PCSK2: variants seen among roughly 807,000 people sequenced by gnomAD.
The protein encoded by PCSK2 is proprotein convertase subtilisin/kexin type 2.
Under a neutral mutation model 69.7 loss-of-function variants are expected in PCSK2, and 14 were observed. The observed-to-expected ratio is 0.20, with a 90% CI of 0.13 to 0.31. PCSK2 has a LOEUF of 0.31. PCSK2 is among the 10% of genes least tolerant of loss of function. PCSK2 has a pLI of 1.00. For missense variants in PCSK2, 544 were observed against 842.5 expected (o/e 0.65, Z 4.39); for synonymous variants, 307 against 320.7 (o/e 0.96, Z 0.46).
chr20:17,460,151 C>T lies in PCSK2; in HGVS notation c.1202+3703C>T, dbSNP rs147453977. Among the ~76,000 whole-genome samples the T allele has an allele frequency of 1.6e-4, 24 of 151,962 alleles. No individual in the cohort carries two copies. In the East Asian group the frequency reaches 4.4e-3, roughly 28 times the overall value. On this transcript the variant is annotated intron_variant, in intron 10 of 11. Coordinates refer to ENST00000262545, the MANE Select transcript of PCSK2 (RefSeq NM_002594.5). ...TTCATGTTCTCTAGACGTGCTGGAACTCCAGCCACCATGTTTACATTTCAG... is the reference window on the plus strand; with the variant it reads ...TTCATGTTCTCTAGACGTGCTGGAATTCCAGCCACCATGTTTACATTTCAG...
chr20:17,347,787 C>CAAAA (rs1990688471), intron 2 of PCSK2, among the ~76,000 whole-genome samples: 2 of 48,562 alleles, frequency 4.1e-5, no homozygotes, highest in East Asian at 9.0e-4. Flanking sequence ...GACACATAGA[C>CAAAA]GAAAGAAAGA....
intron 11 of PCSK2, among the ~76,000 whole-genome samples, chr20:17,476,701 G>T (rs536136450): frequency 1.3e-5 from 2 of 152,198 alleles, no homozygotes; most frequent in Non-Finnish European, 2.9e-5. Context: ...AACTGGACTC[G>T]TACTCTGAGA....
At position 17,227,853 on chromosome 20, in the gene PCSK2, C is replaced by A. The variant is rs377160443; in HGVS notation, c.177+371C>A. 2.0e-5 allele frequency among the ~76,000 whole-genome samples: 3 copies of A among 152,248 alleles called. No homozygotes were observed. In the East Asian group the frequency reaches 5.8e-4, roughly 30 times the overall value. On this transcript the variant is annotated intron_variant, in intron 1 of 11. Transcript: ENST00000262545. Reference sequence around the variant, plus strand: ...CTAAGCCTGGCGTTGGCTACTTGGCCAGGGAAGTCTCCCCCACCCCCATCC... The same window carrying A: ...CTAAGCCTGGCGTTGGCTACTTGGCAAGGGAAGTCTCCCCCACCCCCATCC...
At chr20:17,382,848 G>A (rs959876521) in intron 5 of PCSK2, among the ~76,000 whole-genome samples, 1 of 152,132 alleles carries the variant, frequency 6.6e-6, no homozygotes, top group Non-Finnish European at 1.5e-5. Flanking sequence ...TACTCACGAT[G>A]AACCAGACTC....
At chr20:17,255,889 A>G (rs182850571) in intron 1 of PCSK2, among the ~76,000 whole-genome samples, 128 of 152,172 alleles carry the variant, frequency 8.4e-4, no homozygotes, top group African/African-American at 2.9e-3. Flanking sequence ...TTTTTTTGCC[A>G]TATTTGTAAG....
chr20:17,437,759 T>C (rs1211189933), intron 8 of PCSK2, among the ~76,000 whole-genome samples: 1 of 152,234 alleles, frequency 6.6e-6, no homozygotes, highest in Non-Finnish European at 1.5e-5. Flanking sequence ...ACGCTTGGGA[T>C]GCTCTGGGTC....
chr20:17,276,850 G>C (rs1471008929), intron 2 of PCSK2, among the ~76,000 whole-genome samples: 1 of 152,138 alleles, frequency 6.6e-6, no homozygotes, highest in African/African-American at 2.4e-5. Context: ...TCCTTAAGCT[G>C]ATAAGCAACT....
Position 17,290,319 on chromosome 20 carries a change from A to T in PCSK2, c.282+29975A>T, listed in dbSNP as rs143048601. Among the ~76,000 whole-genome samples the T allele has an allele frequency of 4.4e-3, 673 of 152,250 alleles. 2 individuals are homozygous for T. The highest frequency in any genetic ancestry group is 0.015 in the African/African-American group (627 of 41,548). On this transcript the variant is annotated intron_variant, in intron 2 of 11. Coordinates refer to ENST00000262545, the MANE Select transcript of PCSK2 (RefSeq NM_002594.5). ...GGAAGTGCTCCACTTTTCCCTAAGG[A>T]TCTGTATGATCCCATTTTGTCATAA... is the stretch of plus-strand genomic sequence containing the variant.
intron 11 of PCSK2, 24 bp from the exon 12 acceptor site, chr20:17,481,560 A>G: frequency 6.2e-7 from 1 of 1,606,244 alleles, no homozygotes; most frequent in Non-Finnish European, 8.5e-7. Flanking sequence ...TGCTTATCCT[A>G]TCTCCTCTTC....
In PCSK2 at chr20:17,289,699, G is replaced by C. The variant is rs1988632679; in HGVS notation, c.282+29355G>C. ...TTTGTTTATATCTTTTCAGTGTTTT[G>C]TCTCTATTTTTTTTATTTTACAAAG... On this transcript the variant is annotated intron_variant, in intron 2 of 11. Transcript: ENST00000262545. 1.3e-5 allele frequency among the ~76,000 whole-genome samples: 2 copies of C among 151,848 alleles called. 1 individual carries two copies. The highest frequency in any genetic ancestry group is 4.2e-4 in the South Asian group (2 of 4,814).
chr20:17,475,351 G>A (rs988453462), intron 11 of PCSK2, among the ~76,000 whole-genome samples: 8 of 151,872 alleles, frequency 5.3e-5, no homozygotes, highest in African/African-American at 1.9e-4. Flanking sequence ...GGATCTGAAT[G>A]AGGCACTATC....
chr20:17,392,131 T>C (rs747603229), intron 5 of PCSK2, among the ~76,000 whole-genome samples: 3 of 152,190 alleles, frequency 2.0e-5, no homozygotes, highest in African/African-American at 7.2e-5. Flanking sequence ...CAAGGTATTA[T>C]GTTTTTCCTT....
chr20:17,236,656 T>G (rs1254314609), intron 1 of PCSK2, among the ~76,000 whole-genome samples: 1 of 152,176 alleles, frequency 6.6e-6, no homozygotes, highest in African/African-American at 2.4e-5. Context: ...CCACAAGTCC[T>G]TTTATCAGAA....
intron 6 of PCSK2, among the ~76,000 whole-genome samples, chr20:17,426,998 A>G (rs544008505): frequency 1.3e-5 from 2 of 152,356 alleles, no homozygotes; most frequent in South Asian, 4.1e-4. Context: ...GGATTACATG[A>G]TAGTTAAAGA....
At chr20:17,266,119 T>C (rs566398926) in intron 2 of PCSK2, among the ~76,000 whole-genome samples, 8 of 152,184 alleles carry the variant, frequency 5.3e-5, no homozygotes, top group Non-Finnish European at 8.8e-5. Context: ...CTTATGTGAA[T>C]TCAGTGAGCT....
chr20:17,298,003 C>A (rs1600463400), intron 2 of PCSK2, among the ~76,000 whole-genome samples: 1 of 152,204 alleles, frequency 6.6e-6, no homozygotes, highest in South Asian at 2.1e-4. Flanking sequence ...GCTCCTTTTT[C>A]CGCCCTTTAT....
chr20:17,397,768 C>A lies in PCSK2; in HGVS notation c.544-11495C>A, dbSNP rs188715327. ...CTGGGATTACAAGTGTGAGCCGCCGCCCCCGGCCAAATTCAATAATATTAT... is the reference window on the plus strand; with the variant it reads ...CTGGGATTACAAGTGTGAGCCGCCGACCCCGGCCAAATTCAATAATATTAT... On this transcript the variant is annotated intron_variant, in intron 5 of 11. Transcript: ENST00000262545. Among the ~76,000 whole-genome samples the A allele has an allele frequency of 4.3e-3, 660 of 152,218 alleles. 7 individuals are homozygous for A. The highest frequency in any genetic ancestry group is 0.015 in the African/African-American group (621 of 41,534).
At chr20:17,324,018 C>T (rs1334509333) in intron 2 of PCSK2, among the ~76,000 whole-genome samples, 1 of 152,192 alleles carries the variant, frequency 6.6e-6, no homozygotes, top group East Asian at 1.9e-4. Context: ...AGTTGGTGGA[C>T]AAATACCCCA....
chr20:17,380,602 C>T (rs1376093486), intron 5 of PCSK2, among the ~76,000 whole-genome samples: 2 of 152,132 alleles, frequency 1.3e-5, no homozygotes, highest in Admixed American at 6.6e-5. Flanking sequence ...TTCAGTAGTG[C>T]ACACAAGGCC....
Sources: gnomAD v4.1 joint callset for allele counts (sites outside exome capture counted in the v4.1 genomes callset) on GRCh38, gnomAD v4.1.1 for gene constraint, MANE v1.5 for transcripts, NCBI Gene and HGNC (gene_info 2026-07-23, HGNC 2026-07-21) for gene names.